UGGT1: variants seen among roughly 807,000 people sequenced by gnomAD.
UGGT1 encodes the protein UDP-glucose:glycoprotein glucosyltransferase 1.
Under a neutral mutation model 203.9 loss-of-function variants are expected in UGGT1, and 107 were observed. The observed-to-expected ratio is 0.52, with a 90% CI of 0.45 to 0.62. UGGT1 has a LOEUF of 0.62. UGGT1 is among the 20% of genes least tolerant of loss of function. The pLI is 0.00. For synonymous variants in UGGT1, 628 were observed against 653.5 expected (o/e 0.96, Z 0.59); for missense variants, 1,673 against 1,867.2 (o/e 0.90, Z 1.92).
At chr2:128,161,376 A>G in intron 25 of UGGT1, 108 bp downstream of exon 25, 2 of 1,328,874 alleles carry the variant, frequency 1.5e-6, no homozygotes, top group South Asian at 3.0e-5. Flanking sequence ...AAGGAGTTTT[A>G]TTTCCAGTTT....
At chr2:128,164,961 A>G (rs1472991680) in intron 26 of UGGT1, 136 bp downstream of exon 26, 3 of 619,694 alleles carry the variant, frequency 4.8e-6, no homozygotes, top group Non-Finnish European at 8.1e-6. Flanking sequence ...TTTGGTGTGC[A>G]GTTTTCACAT....
chr2:128,144,019 T>C (rs2105460433), intron 17 of UGGT1, among the ~76,000 whole-genome samples: 1 of 152,298 alleles, frequency 6.6e-6, no homozygotes, highest in South Asian at 2.1e-4. Context: ...TTTTAAAAAG[T>C]AGGCAATGCA....
At chr2:128,182,771 C>T (rs1038692333) in intron 37 of UGGT1, among the ~76,000 whole-genome samples, 4 of 150,874 alleles carry the variant, frequency 2.7e-5, no homozygotes, top group African/African-American at 7.3e-5. Context: ...AGTTCCTGTT[C>T]TCACAGCAGA....
chr2:128,156,952 G>GTCAT (rs1487473249), intron 21 of UGGT1, among the ~76,000 whole-genome samples: 17 of 152,246 alleles, frequency 1.1e-4, no homozygotes, highest in African/African-American at 4.1e-4. Flanking sequence ...ATGACAATAT[G>GTCAT]TTACCCACAT....
At chr2:128,163,375 T>G (rs1164433063) in intron 25 of UGGT1, among the ~76,000 whole-genome samples, 1 of 27,826 alleles carries the variant, frequency 3.6e-5, no homozygotes, top group Non-Finnish European at 9.2e-5. Context: ...ATTGGAGTGT[T>G]TTTTTTTTTT....
chr2:128,191,929 G>A lies in UGGT1; in HGVS notation c.*2187G>A, dbSNP rs2104856478. The A allele has an allele frequency of 6.6e-6, 1 of 152,342 alleles. No homozygotes were observed. Among genetic ancestry groups the A allele is most frequent in the South Asian group, 2.1e-4 (1 of 4,828 alleles). 9.4% of individuals were successfully genotyped at this position (152,342 alleles called of 1,614,324 possible). On this transcript the variant is annotated 3_prime_UTR_variant, in exon 41 of 41. Transcript: ENST00000259253. ...ATTGAATGAAAGCATTCAGACGGGT[G>A]ACTGCTGCTGTCCACAACTGTGGGC...
intron 11 of UGGT1, 125 bp from the exon 12 acceptor site, chr2:128,127,236 C>A: frequency 1.5e-6 from 1 of 662,082 alleles, no homozygotes. Context: ...CCAACAGCAT[C>A]TTGAAGCAAA....
chr2:128,093,303 C>T (rs1350591301), intron 1 of UGGT1, among the ~76,000 whole-genome samples: 1 of 152,142 alleles, frequency 6.6e-6, no homozygotes, highest in African/African-American at 2.4e-5. Context: ...ATAGCATCTT[C>T]ACTCTTGGTG....
chr2:128,117,120 T>TG (rs1243614634), intron 8 of UGGT1, among the ~76,000 whole-genome samples: 1 of 152,200 alleles, frequency 6.6e-6, no homozygotes, highest in African/African-American at 2.4e-5. Flanking sequence ...GACAGAGTCT[T>TG]GCTCTTTTGC....
chr2:128,091,707 C>A, intron 1 of UGGT1: 1 of 812,226 alleles, frequency 1.2e-6, no homozygotes, highest in South Asian at 2.6e-5. Context: ...AGGTATCCTA[C>A]CATGGATTTA....
At chr2:128,158,014 A>G (rs1013570998) in intron 22 of UGGT1, among the ~76,000 whole-genome samples, 2 of 152,022 alleles carry the variant, frequency 1.3e-5, no homozygotes, top group Non-Finnish European at 2.9e-5. Context: ...AAATAAAGAA[A>G]TATCCAGGTG....
chr2:128,156,335 G>A, intron 20 of UGGT1, 57 bp from the exon 21 acceptor site: 1 of 1,298,168 alleles, frequency 7.7e-7, no homozygotes, highest in Non-Finnish European at 1.1e-6. Context: ...TTTACAGTAG[G>A]CATTCATTCC....
intron 4 of UGGT1, among the ~76,000 whole-genome samples, chr2:128,108,426 A>G (rs1366044127): frequency 6.6e-6 from 1 of 152,174 alleles, no homozygotes; most frequent in East Asian, 1.9e-4. Flanking sequence ...GCATCACCAC[A>G]GGGATGCAGT....
intron 13 of UGGT1, among the ~76,000 whole-genome samples, chr2:128,131,736 T>A (rs963274945): frequency 6.6e-6 from 1 of 152,158 alleles, no homozygotes; most frequent in Admixed American, 6.5e-5. Flanking sequence ...CAAACGATTC[T>A]CCTGCCTCAG....
chr2:128,103,360 A>G lies in UGGT1; in HGVS notation c.195-572A>G, dbSNP rs114856260. Among the ~76,000 whole-genome samples, 672 of 152,294 alleles carry G rather than the reference A, an allele frequency of 4.4e-3. 1 individual carries two copies. Among genetic ancestry groups the G allele is most frequent in the African/African-American group, 0.015 (638 of 41,552 alleles). On this transcript the variant is annotated intron_variant, in intron 2 of 40. Coordinates refer to ENST00000259253, the MANE Select transcript of UGGT1 (RefSeq NM_020120.4). ...AGTCGAAAAAAATTAAGATGGCATT[A>G]AGTTCTTGGATCTGATTTTGTTAGA...
chr2:128,115,499 A>C lies in UGGT1; in HGVS notation c.793+279A>C, dbSNP rs796371713. 6.1e-3 allele frequency among the ~76,000 whole-genome samples: 927 copies of C among 151,372 alleles called. 15 individuals are homozygous for C. The highest frequency in any genetic ancestry group is 0.027 in the Admixed American group (403 of 15,206). ...TTCATGTACTAAAAAAAAAAAAAAAAAAAAAACAAAAACCCTCAAAAAAAG... is the reference window on the plus strand; with the variant it reads ...TTCATGTACTAAAAAAAAAAAAAAACAAAAAACAAAAACCCTCAAAAAAAG... On this transcript the variant is annotated intron_variant, in intron 7 of 40. Transcript: ENST00000259253.
At chr2:128,104,503 A>G (rs1042918615) in intron 3 of UGGT1, among the ~76,000 whole-genome samples, 32 of 152,348 alleles carry the variant, frequency 2.1e-4, no homozygotes, top group East Asian at 1.5e-3. Flanking sequence ...CCTCATTTGC[A>G]GTTTTTATGA....
At chr2:128,161,113 G>A in intron 24 of UGGT1, 25 bp from the exon 25 acceptor site, 1 of 1,612,394 alleles carries the variant, frequency 6.2e-7, no homozygotes, top group Admixed American at 1.7e-5. Context: ...CCAGAGCTAA[G>A]CGCCTGCTCT....
At chr2:128,181,724 T>C (rs1233896979) in intron 36 of UGGT1, among the ~76,000 whole-genome samples, 1 of 152,202 alleles carries the variant, frequency 6.6e-6, no homozygotes, top group Non-Finnish European at 1.5e-5. Flanking sequence ...GATTGTAACA[T>C]AGCCACATTT....
Sources: gnomAD v4.1 joint callset for allele counts (sites outside exome capture counted in the v4.1 genomes callset) on GRCh38, gnomAD v4.1.1 for gene constraint, MANE v1.5 for transcripts, NCBI Gene and HGNC (gene_info 2026-07-23, HGNC 2026-07-21) for gene names.